DIAPH3: variants seen among roughly 807,000 people sequenced by gnomAD.
DIAPH3 encodes the protein diaphanous related formin 3.
In DIAPH3, 117 loss-of-function variants were observed where a neutral mutation model predicts 144.3. That is an observed-to-expected ratio of 0.81 (90% CI 0.70 to 0.95). The LOEUF (loss-of-function observed/expected upper bound fraction) is 0.95, where lower values mean the gene tolerates loss of function less well. Ranked by LOEUF, DIAPH3 falls within the 40% of genes least tolerant of loss-of-function variation. DIAPH3 has a pLI of 0.00. For synonymous variants in DIAPH3, 519 were observed against 488.9 expected (o/e 1.06, Z -0.81); for missense variants, 1,421 against 1,412.7 (o/e 1.01, Z -0.09).
chr13:59,929,291 A>G (rs1328203471), intron 17 of DIAPH3, among the ~76,000 whole-genome samples: 1 of 152,170 alleles, frequency 6.6e-6, no homozygotes, highest in African/African-American at 2.4e-5. Flanking sequence ...GTAAGAATCA[A>G]ATTTTCCATT....
chr13:59,874,940 T>C (rs962508747), intron 21 of DIAPH3, among the ~76,000 whole-genome samples: 20 of 152,316 alleles, frequency 1.3e-4, no homozygotes, highest in Non-Finnish European at 2.9e-5. Flanking sequence ...ATGGTTATTA[T>C]ATGTGGATTA....
chr13:59,983,355 G>A (rs1368340540), intron 13 of DIAPH3, among the ~76,000 whole-genome samples: 1 of 151,518 alleles, frequency 6.6e-6, no homozygotes, highest in Non-Finnish European at 1.5e-5. Context: ...CAGAAGTACT[G>A]TATGTATAAA....
chr13:60,021,823 T>A (rs947273779), intron 5 of DIAPH3, among the ~76,000 whole-genome samples: 1 of 152,082 alleles, frequency 6.6e-6, no homozygotes, highest in Non-Finnish European at 1.5e-5. Flanking sequence ...AGAATCTTAA[T>A]CCCACAACCA....
chr13:60,092,778 A>C (rs2057991949), intron 4 of DIAPH3, among the ~76,000 whole-genome samples: 1 of 152,250 alleles, frequency 6.6e-6, no homozygotes, highest in Admixed American at 6.5e-5. Flanking sequence ...TTCTTCCAAA[A>C]GAAAGGCCTC....
chr13:60,059,166 T>G (rs114268596), intron 4 of DIAPH3, among the ~76,000 whole-genome samples: 7,452 of 151,796 alleles, frequency 0.049, 292 homozygotes, highest in African/African-American at 0.097. Flanking sequence ...TTAAAAAAAT[T>G]TATAAAATAG....
chr13:59,874,490 A>T, intron 21 of DIAPH3, among the ~76,000 whole-genome samples: 1 of 152,198 alleles, frequency 6.6e-6, no homozygotes, highest in East Asian at 1.9e-4. Flanking sequence ...TGCATTAGAA[A>T]AGAGAATTTA....
rs1399352593 is a variant in DIAPH3 at position 59,992,695 on chromosome 13, A to C, written c.1015-112T>G. The C allele has an allele frequency of 8.3e-6, 7 of 844,882 alleles. No homozygotes were observed. The East Asian group carries it at 1.6e-4, about 19-fold the overall frequency. 52.3% of individuals were successfully genotyped at this position (844,882 alleles called of 1,614,324 possible). A position where few individuals can be genotyped will look rare whatever the true frequency, so the allele number is the denominator to read the frequency against. The stretch of plus-strand genomic sequence containing the variant: ...ATTATTAAATATCTTTCCTATTAAA[A>C]CAATTTGTAAGCAAAATATTTCAGT... On this transcript the variant is annotated intron_variant, in intron 9 of 27. Coordinates refer to ENST00000400324, the MANE Select transcript of DIAPH3 (RefSeq NM_001042517.2).
At chr13:60,124,552 T>C (rs946874714) in intron 2 of DIAPH3, among the ~76,000 whole-genome samples, 2 of 152,312 alleles carry the variant, frequency 1.3e-5, no homozygotes, top group African/African-American at 2.4e-5. Flanking sequence ...ATAATTATAA[T>C]GATTTTCTCC....
intron 25 of DIAPH3, among the ~76,000 whole-genome samples, chr13:59,798,339 A>C (rs945942086): frequency 7.2e-5 from 11 of 152,170 alleles, no homozygotes; most frequent in African/African-American, 2.7e-4. Flanking sequence ...TGTGCCTACA[A>C]AATAAAGCAA....
chr13:59,698,906 A>C (rs554363441), intron 27 of DIAPH3, among the ~76,000 whole-genome samples: 117 of 152,338 alleles, frequency 7.7e-4, no homozygotes, highest in African/African-American at 2.7e-3. Context: ...CAAATTTAAA[A>C]TTATGTCCTC....
chr13:59,697,376 C>T (rs1193085669), intron 27 of DIAPH3, among the ~76,000 whole-genome samples: 6 of 132,118 alleles, frequency 4.5e-5, no homozygotes, highest in African/African-American at 1.7e-4. Context: ...AAGGGAATGG[C>T]GTGAACTCGG....
chr13:59,857,050 T>C (rs533798574), intron 22 of DIAPH3, among the ~76,000 whole-genome samples: 23 of 152,282 alleles, frequency 1.5e-4, no homozygotes, highest in African/African-American at 5.1e-4. Flanking sequence ...AGCTGTGTTG[T>C]TGACTCTGCT....
At chr13:59,949,857 G>A (rs2049010173) in intron 17 of DIAPH3, among the ~76,000 whole-genome samples, 1 of 152,094 alleles carries the variant, frequency 6.6e-6, no homozygotes, top group Non-Finnish European at 1.5e-5. Context: ...ATCATCCCAT[G>A]CTCTGCTTTC....
chr13:59,756,654 G>A (rs1223893075), intron 27 of DIAPH3, among the ~76,000 whole-genome samples: 7 of 152,146 alleles, frequency 4.6e-5, no homozygotes, highest in Admixed American at 1.3e-4. Flanking sequence ...GTTAGTCACA[G>A]TTAGTTTTAC....
At chr13:59,940,949 T>C (rs1470734116) in intron 17 of DIAPH3, among the ~76,000 whole-genome samples, 2 of 152,204 alleles carry the variant, frequency 1.3e-5, no homozygotes, top group East Asian at 1.9e-4. Context: ...CAGATAATAA[T>C]TGGAGATGAT....
intron 17 of DIAPH3, among the ~76,000 whole-genome samples, chr13:59,964,440 A>T (rs2049942214): frequency 6.6e-6 from 1 of 152,052 alleles, no homozygotes; most frequent in South Asian, 2.1e-4. Flanking sequence ...TGCAAGAAAC[A>T]TGTCTATTTA....
chr13:60,039,441 G>T (rs1461637296), intron 5 of DIAPH3, among the ~76,000 whole-genome samples: 1 of 151,922 alleles, frequency 6.6e-6, no homozygotes, highest in African/African-American at 2.4e-5. Flanking sequence ...GTGGCAGGGA[G>T]TACAGGCATG....
At chr13:60,125,829 G>A (rs1426250615) in intron 2 of DIAPH3, among the ~76,000 whole-genome samples, 1 of 151,574 alleles carries the variant, frequency 6.6e-6, no homozygotes, top group Non-Finnish European at 1.5e-5. Context: ...AGCTGCCAGA[G>A]TCCAGAGAAG....
At position 59,874,030 on chromosome 13, in the gene DIAPH3, G is replaced by A. The variant is rs1051940701; in HGVS notation, c.2607+5199C>T. On this transcript the variant is annotated intron_variant, in intron 21 of 27. Transcript: ENST00000400324. ...GTTTCGTTTTTGTCGTGGCTTTGGT[G>A]TTGGTTAATTTTCATTTTTTCATGT... is the stretch of plus-strand genomic sequence containing the variant. Among the ~76,000 whole-genome samples, 10 of 152,108 alleles carry A rather than the reference G, an allele frequency of 6.6e-5. No individual in the cohort carries two copies. In the East Asian group the frequency reaches 1.9e-3, roughly 29 times the overall value.
Sources: allele counts gnomAD v4.1 joint callset (sites outside exome capture counted in the v4.1 genomes callset), GRCh38; gene constraint gnomAD v4.1.1; transcripts MANE v1.5; gene names NCBI Gene and HGNC (gene_info 2026-07-23, HGNC 2026-07-21).